The following C12orf56 variants were observed in gnomAD, a reference collection of about 807,000 sequenced individuals.
C12orf56 encodes the protein chromosome 12 open reading frame 56.
A neutral mutation model predicts 69.9 loss-of-function variants in C12orf56; 71 were observed. The ratio of observed to expected loss-of-function variants is 1.02; its 90% CI spans 0.84 to 1.24. The LOEUF (loss-of-function observed/expected upper bound fraction) is 1.24, where lower values mean the gene tolerates loss of function less well. C12orf56 is among the 50% of genes most tolerant of loss of function. The probability of loss-of-function intolerance (pLI) is 0.00; values close to 1 mark genes in which losing one functional copy is unlikely to be tolerated. For missense variants in C12orf56, 732 were observed against 738.5 expected, an observed-to-expected ratio of 0.99 and a Z score of 0.10; for synonymous variants, 276 against 274.1, an observed-to-expected ratio of 1.01 and a Z score of -0.07.
In C12orf56 at chr12:64,318,629, G is replaced by A. The variant is rs149629008; in HGVS notation, c.840C>T (p.Ser280=). The change falls in exon 4 of 13, where the codon TCC becomes TCT. Residue 280 remains serine (S), a synonymous_variant. Transcript: ENST00000543942. The part of the protein sequence containing the change: ...KESELHLYVI[S]TTSSIFLHLK... ...AGTGCAGAAATATTGATGAGGTTGT[G>A]GAAATAACATACAAATGAAGTTCTG... 7.5e-5 allele frequency: 115 copies of A among 1,536,760 alleles called. No homozygotes were observed. In the African/African-American group the frequency reaches 1.4e-3, roughly 19 times the overall value.
chr12:64,284,804 C>T (rs2038178450), intron 7 of C12orf56, 51 bp from the exon 8 acceptor site: 2 of 1,373,334 alleles, frequency 1.5e-6, no homozygotes, highest in Admixed American at 2.5e-5. Context: ...TCATTAGAAG[C>T]TCAGAATTCC....
intron 4 of C12orf56, among the ~76,000 whole-genome samples, chr12:64,318,315 G>A (rs1309534651): frequency 2.6e-5 from 4 of 151,896 alleles, no homozygotes; most frequent in Admixed American, 6.6e-5. Flanking sequence ...CATCCACCTC[G>A]GCCTCCCAAA....
chr12:64,310,826 G>A (rs184721672), intron 5 of C12orf56, among the ~76,000 whole-genome samples: 6 of 151,576 alleles, frequency 4.0e-5, no homozygotes, highest in Non-Finnish European at 7.4e-5. Context: ...CCATTAACTC[G>A]TCGTTTACAT....
chr12:64,285,914 CAAAA>C, intron 7 of C12orf56, 36 bp downstream of exon 7: 4 of 1,068,702 alleles, frequency 3.7e-6, no homozygotes, highest in South Asian at 3.5e-5. Context: ...AACACCCTAG[CAAAA>C]AAAAAAAAAT....
Position 64,318,962 on chromosome 12 carries a change from A to G in C12orf56, c.507T>C (p.Ser169=). ...ESPLRDQQES[S]TPSKDSTLCP... Reference sequence around the variant, plus strand: ...AGAGAGTTGAGTCCTTGGATGGTGTACTGCTCTCCTGCTGGTCCCTGTCAG... The same window carrying G: ...AGAGAGTTGAGTCCTTGGATGGTGTGCTGCTCTCCTGCTGGTCCCTGTCAG... Residue 169 remains serine, a synonymous_variant, in exon 4 of 13, where the codon AGT becomes AGC. Transcript: ENST00000543942. 1 of 1,501,000 alleles carries G rather than the reference A, an allele frequency of 6.7e-7. No individual in the cohort carries two copies. The highest frequency in any genetic ancestry group is 2.3e-5 in the Admixed American group (1 of 44,268). The allele number at this position is 1,501,000 out of a possible 1,614,324, so 93.0% of individuals were successfully genotyped here. A position where few individuals can be genotyped will look rare whatever the true frequency, so the allele number is the denominator to read the frequency against.
intron 8 of C12orf56, among the ~76,000 whole-genome samples, chr12:64,282,772 A>C (rs551409296): frequency 6.6e-6 from 1 of 152,008 alleles, no homozygotes; most frequent in African/African-American, 2.4e-5. Context: ...TATCTAAAAA[A>C]AAAAAAAGAA....
At chr12:64,370,028 G>C in intron 1 of C12orf56, among the ~76,000 whole-genome samples, 1 of 150,542 alleles carries the variant, frequency 6.6e-6, no homozygotes, top group East Asian at 2.0e-4. Flanking sequence ...AAACTAGAGT[G>C]TTACAAAATA....
intron 8 of C12orf56, among the ~76,000 whole-genome samples, chr12:64,282,339 A>C (rs746702312): frequency 5.3e-5 from 8 of 152,272 alleles, no homozygotes; most frequent in Non-Finnish European, 8.8e-5. Context: ...AACTGTGTCC[A>C]TTCGTTCATG....
intron 1 of C12orf56, among the ~76,000 whole-genome samples, chr12:64,362,789 G>C (rs2039415892): frequency 6.6e-6 from 1 of 152,060 alleles, no homozygotes; most frequent in South Asian, 2.1e-4. Flanking sequence ...GCTAAACAGA[G>C]GGTGGATTAT....
At chr12:64,331,286 A>G (rs1178629037) in intron 2 of C12orf56, among the ~76,000 whole-genome samples, 1 of 152,114 alleles carries the variant, frequency 6.6e-6, no homozygotes, top group Non-Finnish European at 1.5e-5. Context: ...GGATCACTTG[A>G]GCTCACAAGT....
intron 1 of C12orf56, 141 bp from the exon 2 acceptor site, chr12:64,353,197 A>G: frequency 1.3e-6 from 1 of 766,566 alleles, no homozygotes; most frequent in Non-Finnish European, 2.0e-6. Flanking sequence ...TCACCCTGAC[A>G]CCCAGGCTAG....
Position 64,343,385 on chromosome 12 carries a change from G to A in C12orf56, c.415+9509C>T, listed in dbSNP as rs2135941108. 2.6e-5 allele frequency among the ~76,000 whole-genome samples: 4 copies of A among 152,260 alleles called. 2 individuals are homozygous for A. The highest frequency in any genetic ancestry group is 2.6e-4 in the Admixed American group (4 of 15,284). ...TCTTGCAGAAGCAAAAAGCGATCAA[G>A]GTCTCTCTGAATAAGATTATGACAC... is the stretch of plus-strand genomic sequence containing the variant. On this transcript the variant is annotated intron_variant, in intron 2 of 12. Coordinates refer to ENST00000543942, the MANE Select transcript of C12orf56 (RefSeq NM_001170633.2).
At chr12:64,382,233 G>T (rs1450775773) in intron 1 of C12orf56, among the ~76,000 whole-genome samples, 1 of 136,062 alleles carries the variant, frequency 7.3e-6, no homozygotes. Flanking sequence ...CTGCACTCCA[G>T]CCTGGGCCAC....
intron 2 of C12orf56, among the ~76,000 whole-genome samples, chr12:64,351,579 A>G (rs2039222616): frequency 6.6e-6 from 1 of 152,172 alleles, no homozygotes; most frequent in African/African-American, 2.4e-5. Context: ...TAGGGTGTAC[A>G]TGAGTAAGAG....
chr12:64,279,458 G>A (rs970163913), intron 8 of C12orf56, among the ~76,000 whole-genome samples: 1 of 152,166 alleles, frequency 6.6e-6, no homozygotes, highest in East Asian at 1.9e-4. Flanking sequence ...GTAGATTTGA[G>A]GGGTAGGAGT....
intron 2 of C12orf56, among the ~76,000 whole-genome samples, chr12:64,349,600 G>C (rs189669043): frequency 6.6e-6 from 1 of 152,100 alleles, no homozygotes; most frequent in African/African-American, 2.4e-5. Flanking sequence ...GCAAAATTGC[G>C]GAACCAACCC....
intron 5 of C12orf56, among the ~76,000 whole-genome samples, chr12:64,306,741 T>C (rs1201617115): frequency 6.6e-6 from 1 of 152,200 alleles, no homozygotes; most frequent in South Asian, 2.1e-4. Context: ...ACATTTACTA[T>C]AAATAATACC....
chr12:64,300,397 A>C (rs2038428065), intron 6 of C12orf56, among the ~76,000 whole-genome samples: 2 of 152,116 alleles, frequency 1.3e-5, no homozygotes, highest in Non-Finnish European at 2.9e-5. Flanking sequence ...AAGATGCTTA[A>C]ATGACCTCCA....
intron 3 of C12orf56, among the ~76,000 whole-genome samples, chr12:64,330,283 AG>A (rs1362389945): frequency 6.6e-6 from 1 of 152,190 alleles, no homozygotes; most frequent in African/African-American, 2.4e-5. Flanking sequence ...TGGACTTTTA[AG>A]ACCCTCCAAA....
Sources: gnomAD v4.1 joint callset for allele counts (sites outside exome capture counted in the v4.1 genomes callset) on GRCh38, gnomAD v4.1.1 for gene constraint, MANE v1.5 for transcripts, NCBI Gene and HGNC (gene_info 2026-07-23, HGNC 2026-07-21) for gene names.